Variants in DNAJC6 observed in about 807,000 individuals in gnomAD.
DNAJC6 encodes the protein auxilin.
Under a neutral mutation model 110.0 loss-of-function variants are expected in DNAJC6, and 34 were observed. The ratio of observed to expected loss-of-function variants is 0.31; its 90% CI spans 0.24 to 0.41. DNAJC6 has a LOEUF of 0.41. Ranked by LOEUF, DNAJC6 falls within the 10% of genes least tolerant of loss-of-function variation. The probability of loss-of-function intolerance (pLI) is 1.00; values close to 1 mark genes in which losing one functional copy is unlikely to be tolerated. For synonymous variants in DNAJC6, 406 were observed against 437.2 expected (o/e 0.93, Z 0.89); for missense variants, 1,031 against 1,207.8 (o/e 0.85, Z 2.17).
intron 1 of DNAJC6, among the ~76,000 whole-genome samples, chr1:65,361,590 G>A (rs1645597961): frequency 6.6e-6 from 1 of 152,150 alleles, no homozygotes; most frequent in African/African-American, 2.4e-5. Flanking sequence ...TAGGACCAAA[G>A]TGAGATACTT....
intron 16 of DNAJC6, 92 bp downstream of exon 16, chr1:65,406,225 C>A: frequency 6.7e-7 from 1 of 1,492,428 alleles, no homozygotes; most frequent in Non-Finnish European, 9.0e-7. Context: ...ACAGTATTTT[C>A]TGGGTAGTTT....
chr1:65,334,080 C>G (rs569947296), intron 1 of DNAJC6, among the ~76,000 whole-genome samples: 1 of 152,080 alleles, frequency 6.6e-6, no homozygotes, highest in Non-Finnish European at 1.5e-5. Context: ...TGTAACTATC[C>G]CTTCTTTGGA....
intron 15 of DNAJC6, among the ~76,000 whole-genome samples, chr1:65,404,799 G>A (rs1222468496): frequency 2.6e-5 from 4 of 152,208 alleles, no homozygotes; most frequent in Admixed American, 2.0e-4. Flanking sequence ...TTTGGAGGTA[G>A]GATGCACATA....
At position 65,303,795 on chromosome 1, in the gene DNAJC6, G is replaced by A. The variant is rs554060619; in HGVS notation, c.-131+38863G>A. Reference sequence around the variant, plus strand: ...TCACCATGTTGGCCAGGCTGGTCTCGAACTCCCGACCTCAGGTGATCTGCC... The same window carrying A: ...TCACCATGTTGGCCAGGCTGGTCTCAAACTCCCGACCTCAGGTGATCTGCC... On this transcript the variant is annotated intron_variant, in intron 1 of 19. Coordinates refer to the DNAJC6 transcript ENST00000263441. Among the ~76,000 whole-genome samples the A allele has an allele frequency of 3.9e-5, 6 of 152,032 alleles. No individual in the cohort carries two copies. In the South Asian group the frequency reaches 1.0e-3, roughly 26 times the overall value.
At chr1:65,294,448 A>G (rs746510758) in intron 1 of DNAJC6, among the ~76,000 whole-genome samples, 2 of 152,204 alleles carry the variant, frequency 1.3e-5, no homozygotes, top group Non-Finnish European at 2.9e-5. Flanking sequence ...CAATTTTATC[A>G]TCTGTAATTA....
chr1:65,378,457 G>A (rs183676447), intron 4 of DNAJC6, among the ~76,000 whole-genome samples: 48 of 152,294 alleles, frequency 3.2e-4, no homozygotes, highest in African/African-American at 1.1e-3. Flanking sequence ...ACTGAGCTAA[G>A]CTCTTGAAGT....
At chr1:65,265,706 G>A (rs1333063023) in intron 1 of DNAJC6, among the ~76,000 whole-genome samples, 1 of 152,236 alleles carries the variant, frequency 6.6e-6, no homozygotes, top group Non-Finnish European at 1.5e-5. Flanking sequence ...AGTTGGGGGA[G>A]GAGCGATGGA....
intron 1 of DNAJC6, among the ~76,000 whole-genome samples, chr1:65,335,797 G>A (rs1427543011): frequency 1.3e-5 from 2 of 152,122 alleles, no homozygotes; most frequent in East Asian, 3.9e-4. Flanking sequence ...TAAGTGAGAT[G>A]GGAAATGATT....
chr1:65,281,829 C>T (rs1343105945), intron 1 of DNAJC6, among the ~76,000 whole-genome samples: 2 of 152,040 alleles, frequency 1.3e-5, no homozygotes, highest in South Asian at 2.1e-4. Flanking sequence ...AGGATGGTCT[C>T]GATCTCCTGA....
In DNAJC6 at chr1:65,324,282, T is replaced by A. The variant is rs375247348; in HGVS notation, c.193+14344T>A. Among the ~76,000 whole-genome samples the A allele has an allele frequency of 7.9e-5, 12 of 152,156 alleles. No individual in the cohort carries two copies. In the East Asian group the frequency reaches 1.7e-3, roughly 22 times the overall value. On this transcript the variant is annotated intron_variant, in intron 1 of 18. Transcript: ENST00000371069. ...GCCTCTACTTCCCAAGCTCAAGCGA[T>A]CCTCCTGCCTTACCCTCCCTCATAG...
chr1:65,306,358 T>G (rs1645038295), upstream of DNAJC6: 1 of 152,176 alleles, frequency 6.6e-6, no homozygotes, highest in Admixed American at 6.6e-5. Flanking sequence ...GCAACTTCAA[T>G]TTTAATCAAT....
At chr1:65,406,582 G>A (rs185580133) in intron 16 of DNAJC6, among the ~76,000 whole-genome samples, 1 of 152,276 alleles carries the variant, frequency 6.6e-6, no homozygotes, top group Non-Finnish European at 1.5e-5. Flanking sequence ...CAAGCACATT[G>A]GTCATATTTG....
chr1:65,403,838 C>T (rs1307606282), intron 15 of DNAJC6, among the ~76,000 whole-genome samples: 1 of 152,078 alleles, frequency 6.6e-6, no homozygotes, highest in Admixed American at 6.5e-5. Context: ...TGTTGATGAG[C>T]CCCATGAGTG....
rs1202067813 is a variant in DNAJC6 at position 65,389,620 on chromosome 1, T to C, written c.1461T>C (p.Cys487=). ...YGQSGFFASL[C]WQDQKSEKSF... is the part of the protein sequence containing the mutation. The stretch of plus-strand genomic sequence containing the variant: ...AAAGTGGTTTCTTTGCCTCTCTCTG[T>C]TGGCAAGGTATTTACAAGTGTTTCT... Residue 487 remains cysteine, a synonymous_variant, in exon 11 of 19, where the codon TGT becomes TGC. Coordinates refer to ENST00000371069, the MANE Select transcript of DNAJC6 (RefSeq NM_001256864.2). 6.2e-7 allele frequency: 1 copy of C among 1,613,898 alleles called. No homozygotes were observed. Among genetic ancestry groups the C allele is most frequent in the African/African-American group, 1.3e-5 (1 of 74,912 alleles).
chr1:65,298,988 C>T (rs1000210178), intron 1 of DNAJC6: 24 of 152,278 alleles, frequency 1.6e-4, no homozygotes, highest in African/African-American at 5.8e-4. Flanking sequence ...AGTTATTGTC[C>T]TTGACAGGGA....
At chr1:65,386,710 G>A (rs991062420) in intron 7 of DNAJC6, 102 bp from the exon 8 acceptor site, 19 of 1,022,282 alleles carry the variant, frequency 1.9e-5, no homozygotes, top group Admixed American at 8.2e-5. Context: ...GGGCCTGGGC[G>A]AACAGTCCTC....
chr1:65,348,019 A>G (rs1207243464), intron 1 of DNAJC6, among the ~76,000 whole-genome samples: 1 of 152,148 alleles, frequency 6.6e-6, no homozygotes, highest in Non-Finnish European at 1.5e-5. Flanking sequence ...GGTGATTCGT[A>G]TGTTTGGCTT....
At chr1:65,265,582 CAAAA>C (rs1001048236) in intron 1 of DNAJC6, among the ~76,000 whole-genome samples, 1 of 152,174 alleles carries the variant, frequency 6.6e-6, no homozygotes, top group African/African-American at 2.4e-5. Context: ...AATAAAAACT[CAAAA>C]AAGGAAAGGG....
chr1:65,358,610 A>G (rs559156745), intron 1 of DNAJC6, among the ~76,000 whole-genome samples: 165 of 152,330 alleles, frequency 1.1e-3, no homozygotes, highest in African/African-American at 3.9e-3. Context: ...AAACTGAGAT[A>G]GTTTTCTTTT....
Sources: allele counts gnomAD v4.1 joint callset (sites outside exome capture counted in the v4.1 genomes callset), GRCh38; gene constraint gnomAD v4.1.1; transcripts MANE v1.5; gene names NCBI Gene and HGNC (gene_info 2026-07-23, HGNC 2026-07-21).